AUTS2: variants seen among roughly 807,000 people sequenced by gnomAD.
AUTS2 encodes the protein autism susceptibility gene 2 protein.
A neutral mutation model predicts 112.4 loss-of-function variants in AUTS2; 17 were observed. The ratio of observed to expected loss-of-function variants is 0.15; its 90% CI spans 0.10 to 0.23. AUTS2 has a LOEUF of 0.23. Ranked by LOEUF, AUTS2 falls within the 10% of genes least tolerant of loss-of-function variation. The probability of loss-of-function intolerance (pLI) is 1.00; values close to 1 mark genes in which losing one functional copy is unlikely to be tolerated. For synonymous variants in AUTS2, 751 were observed against 702.7 expected (o/e 1.07, Z -1.09); for missense variants, 1,510 against 1,701.6 (o/e 0.89, Z 1.98).
intron 5 of AUTS2, among the ~76,000 whole-genome samples, chr7:70,525,626 A>G (rs1448456565): frequency 6.6e-6 from 1 of 152,224 alleles, no homozygotes; most frequent in East Asian, 1.9e-4. Flanking sequence ...CATTCAGAGC[A>G]TGGGAAAAAC....
intron 2 of AUTS2, among the ~76,000 whole-genome samples, chr7:70,003,667 A>C (rs1452586830): frequency 7.9e-6 from 1 of 126,656 alleles, no homozygotes; most frequent in Non-Finnish European, 1.6e-5. Flanking sequence ...AATATATATA[A>C]TATATATGAA....
chr7:70,029,225 GAC>G (rs1800661888), intron 2 of AUTS2, among the ~76,000 whole-genome samples: 1 of 149,954 alleles, frequency 6.7e-6, no homozygotes, highest in South Asian at 2.1e-4. Flanking sequence ...AGCAGTGCCA[GAC>G]ACACAGCAAA....
At position 70,452,110 on chromosome 7, in the gene AUTS2, G is replaced by GT. The variant is rs199981533; in HGVS notation, c.690+16336dup. 7.6e-3 allele frequency among the ~76,000 whole-genome samples: 1,151 copies of GT among 152,168 alleles called. 10 individuals carry two copies. The highest frequency in any genetic ancestry group is 0.026 in the African/African-American group (1,074 of 41,526). ...AATGCTTCTAAGCTTCTGCTTTTGT[G>GT]TTTTTTTGTTTTTGTTGTTGTTGTT... On this transcript the variant is annotated intron_variant, in intron 5 of 18. Transcript: ENST00000342771.
At chr7:70,344,628 C>A (rs1791412268) in intron 4 of AUTS2, among the ~76,000 whole-genome samples, 1 of 152,178 alleles carries the variant, frequency 6.6e-6, no homozygotes, top group African/African-American at 2.4e-5. Context: ...AAAAGATGAT[C>A]AACATGGGTT....
intron 1 of AUTS2, among the ~76,000 whole-genome samples, chr7:69,664,511 A>G (rs1275406181): frequency 6.6e-6 from 1 of 152,180 alleles, no homozygotes; most frequent in Admixed American, 6.5e-5. Flanking sequence ...TTTCCACAAA[A>G]CTGTTGAACA....
At chr7:70,433,191 C>T (rs1201030323) in intron 4 of AUTS2, among the ~76,000 whole-genome samples, 1 of 152,158 alleles carries the variant, frequency 6.6e-6, no homozygotes, top group African/African-American at 2.4e-5. Flanking sequence ...AATAACCATT[C>T]CCAGGGACAT....
chr7:70,108,783 CAAAAAAAAAA>C (rs528009205), intron 2 of AUTS2, among the ~76,000 whole-genome samples: 1,055 of 69,082 alleles, frequency 0.015, 12 homozygotes, highest in African/African-American at 0.053. Flanking sequence ...GCCAACATGG[CAAAAAAAAAA>C]AAAAAAAAAA....
chr7:70,318,883 AT>A (rs1431889696), intron 4 of AUTS2, among the ~76,000 whole-genome samples: 1 of 152,178 alleles, frequency 6.6e-6, no homozygotes, highest in Non-Finnish European at 1.5e-5. Flanking sequence ...TGAACTTTGT[AT>A]TTATTCTCCA....
intron 4 of AUTS2, among the ~76,000 whole-genome samples, chr7:70,392,076 G>A (rs948556987): frequency 1.3e-5 from 2 of 152,096 alleles, no homozygotes; most frequent in African/African-American, 2.4e-5. Flanking sequence ...CCTTCAAAAC[G>A]GGTTAGATAA....
chr7:70,607,926 T>C (rs1204703016), intron 5 of AUTS2, among the ~76,000 whole-genome samples: 3 of 152,194 alleles, frequency 2.0e-5, no homozygotes, highest in Admixed American at 6.5e-5. Flanking sequence ...TGGTGGTCAA[T>C]GTGTTATGTT....
At chr7:70,015,220 T>C (rs1799974487) in intron 2 of AUTS2, among the ~76,000 whole-genome samples, 1 of 152,214 alleles carries the variant, frequency 6.6e-6, no homozygotes, top group Admixed American at 6.5e-5. Context: ...TATTGGTCCT[T>C]ATATTCTGTG....
At chr7:70,572,730 G>A (rs891621713) in intron 5 of AUTS2, among the ~76,000 whole-genome samples, 4 of 152,126 alleles carry the variant, frequency 2.6e-5, no homozygotes, top group African/African-American at 9.7e-5. Flanking sequence ...GGTCAGAATC[G>A]GTGCCACACT....
At chr7:70,006,492 T>A (rs1799549963) in intron 2 of AUTS2, among the ~76,000 whole-genome samples, 1 of 152,190 alleles carries the variant, frequency 6.6e-6, no homozygotes, top group African/African-American at 2.4e-5. Context: ...TGCACGTTTC[T>A]TTTGCTGTTG....
At chr7:69,913,211 T>C (rs1425841870) in intron 2 of AUTS2, among the ~76,000 whole-genome samples, 1 of 152,256 alleles carries the variant, frequency 6.6e-6, no homozygotes, top group African/African-American at 2.4e-5. Flanking sequence ...GACCCACTTC[T>C]TCCTTGAAGT....
chr7:69,964,329 C>T (rs1241036751), intron 2 of AUTS2, among the ~76,000 whole-genome samples: 1 of 152,160 alleles, frequency 6.6e-6, no homozygotes, highest in Non-Finnish European at 1.5e-5. Flanking sequence ...GCCTGGAAGG[C>T]ACAGCCTTTT....
intron 1 of AUTS2, among the ~76,000 whole-genome samples, chr7:69,678,958 G>A (rs1459052406): frequency 6.6e-6 from 1 of 152,230 alleles, no homozygotes; most frequent in Non-Finnish European, 1.5e-5. Context: ...GGGAAAGTAT[G>A]TTTGGCAAAG....
intron 4 of AUTS2, among the ~76,000 whole-genome samples, chr7:70,271,667 G>C (rs1787699396): frequency 1.3e-5 from 2 of 152,104 alleles, no homozygotes; most frequent in Admixed American, 6.5e-5. Flanking sequence ...CTGTTTCTTT[G>C]AATGGGGTTG....
At chr7:69,755,545 C>T (rs1376230118) in intron 1 of AUTS2, among the ~76,000 whole-genome samples, 4 of 152,080 alleles carry the variant, frequency 2.6e-5, no homozygotes, top group Admixed American at 6.6e-5. Context: ...TTTGATTTTA[C>T]GGGTCTGACA....
chr7:70,025,815 T>A (rs1800495610), intron 2 of AUTS2, among the ~76,000 whole-genome samples: 1 of 149,036 alleles, frequency 6.7e-6, no homozygotes, highest in African/African-American at 2.5e-5. Flanking sequence ...CTGAAGGAGC[T>A]GAGGCAGTGC....
Sources: allele counts gnomAD v4.1 joint callset (sites outside exome capture counted in the v4.1 genomes callset), GRCh38; gene constraint gnomAD v4.1.1; transcripts MANE v1.5; gene names NCBI Gene and HGNC (gene_info 2026-07-23, HGNC 2026-07-21).